Variants in FER observed in about 807,000 individuals in gnomAD.
FER encodes FER tyrosine kinase.
A neutral mutation model predicts 111.0 loss-of-function variants in FER; 63 were observed. The ratio of observed to expected loss-of-function variants is 0.57; its 90% CI spans 0.46 to 0.70. FER has a LOEUF of 0.70. Among genes scored for constraint, FER ranks in the 30% least tolerant of loss-of-function variants. FER has a pLI of 0.00. For missense variants in FER, 914 were observed against 954.0 expected, an observed-to-expected ratio of 0.96 and a Z score of 0.55; for synonymous variants, 327 against 313.9, an observed-to-expected ratio of 1.04 and a Z score of -0.44.
chr5:108,966,576 C>T lies in FER; in HGVS notation c.1656+7229C>T, dbSNP rs137983768. Reference sequence around the variant, plus strand: ...CTAACTTTTGTGTTTTTAGTAGAGACGGGGTTTCATCATGTTGCTCAGGCT... The same window carrying T: ...CTAACTTTTGTGTTTTTAGTAGAGATGGGGTTTCATCATGTTGCTCAGGCT... On this transcript the variant is annotated intron_variant, in intron 13 of 19. Transcript: ENST00000281092. Among the ~76,000 whole-genome samples the T allele has an allele frequency of 5.9e-3, 898 of 151,812 alleles. 5 individuals are homozygous for T. The highest frequency in any genetic ancestry group is 0.021 in the African/African-American group (857 of 41,386).
intron 16 of FER, among the ~76,000 whole-genome samples, chr5:109,084,325 C>T (rs1316657794): frequency 1.3e-5 from 2 of 151,840 alleles, no homozygotes; most frequent in East Asian, 3.9e-4. Context: ...TATTGTGTTG[C>T]TTACCTATTT....
chr5:109,000,679 C>T (rs1045554329), intron 13 of FER, among the ~76,000 whole-genome samples: 1 of 151,954 alleles, frequency 6.6e-6, no homozygotes, highest in African/African-American at 2.4e-5. Context: ...GAAATAGAGA[C>T]ACAAAAAACC....
intron 1 of FER, among the ~76,000 whole-genome samples, chr5:108,765,529 T>C (rs977426757): frequency 1.3e-5 from 2 of 152,092 alleles, no homozygotes; most frequent in Non-Finnish European, 2.9e-5. Flanking sequence ...AAGTGATCCT[T>C]CTGCCTCAGC....
chr5:108,776,411 G>C (rs934950690), intron 2 of FER, among the ~76,000 whole-genome samples: 1 of 151,948 alleles, frequency 6.6e-6, no homozygotes, highest in African/African-American at 2.4e-5. Context: ...TTACAAAAAA[G>C]CAAATATTTA....
chr5:109,015,981 A>G (rs1453036732), intron 13 of FER, among the ~76,000 whole-genome samples: 1 of 151,870 alleles, frequency 6.6e-6, no homozygotes, highest in African/African-American at 2.4e-5. Context: ...GATTATTTGC[A>G]TTTCCTTTGC....
At chr5:108,867,982 C>A in intron 6 of FER, 32 bp downstream of exon 6, 2 of 1,569,606 alleles carry the variant, frequency 1.3e-6, no homozygotes, top group South Asian at 1.2e-5. Flanking sequence ...TCATAAAATC[C>A]CTTCACAAAA....
Position 109,082,635 on chromosome 5 carries a change from ATT to A in FER, c.1925-17752_1925-17751del, listed in dbSNP as rs76751860. Among the ~76,000 whole-genome samples the A allele has an allele frequency of 5.7e-3, 855 of 150,256 alleles. 11 individuals are homozygous for A. The highest frequency in any genetic ancestry group is 0.02 in the African/African-American group (815 of 40,986). On this transcript the variant is annotated intron_variant, in intron 16 of 19. Coordinates refer to ENST00000281092, the MANE Select transcript of FER (RefSeq NM_005246.4). ...AGAGTTTTACCTCTTAGAGAAAGGG[ATT>A]TTTTTTTTGTCCTGATTTTCATTAA... is the stretch of plus-strand genomic sequence containing the variant.
chr5:108,898,388 A>G (rs1004730334), intron 10 of FER, among the ~76,000 whole-genome samples: 2 of 152,044 alleles, frequency 1.3e-5, no homozygotes, highest in African/African-American at 4.8e-5. Context: ...AAGAATGCCT[A>G]GTATAAAGTC....
chr5:109,141,702 A>G (rs982486899), intron 17 of FER, among the ~76,000 whole-genome samples: 2 of 152,220 alleles, frequency 1.3e-5, no homozygotes, highest in Admixed American at 1.3e-4. Flanking sequence ...GCTACTTCCT[A>G]GAAGTAACAG....
intron 16 of FER, among the ~76,000 whole-genome samples, chr5:109,088,689 G>A (rs1219232789): frequency 1.3e-5 from 2 of 152,090 alleles, no homozygotes; most frequent in Non-Finnish European, 2.9e-5. Context: ...AAATCATTAA[G>A]CTAAATAAAT....
chr5:109,002,259 T>C (rs1222476188), intron 13 of FER, among the ~76,000 whole-genome samples: 1 of 152,060 alleles, frequency 6.6e-6, no homozygotes, highest in African/African-American at 2.4e-5. Context: ...AGCATGGGAC[T>C]GGTACCAAAG....
At chr5:109,163,474 A>C (rs1434854632) in intron 17 of FER, among the ~76,000 whole-genome samples, 1 of 152,132 alleles carries the variant, frequency 6.6e-6, no homozygotes, top group Non-Finnish European at 1.5e-5. Flanking sequence ...CTGTTTTCCA[A>C]AGTGGTTGTT....
At chr5:108,763,799 C>T (rs1752015169) in intron 1 of FER, among the ~76,000 whole-genome samples, 1 of 152,170 alleles carries the variant, frequency 6.6e-6, no homozygotes. Context: ...TGAATTCCAG[C>T]AGCTATATCT....
At chr5:109,112,798 A>G (rs1443978078) in intron 17 of FER, among the ~76,000 whole-genome samples, 1 of 152,136 alleles carries the variant, frequency 6.6e-6, no homozygotes, top group Non-Finnish European at 1.5e-5. Context: ...TTAAAAATGA[A>G]TGTCTAATGC....
intron 13 of FER, among the ~76,000 whole-genome samples, chr5:109,015,195 C>T (rs752895471): frequency 1.3e-5 from 2 of 152,058 alleles, no homozygotes; most frequent in African/African-American, 2.4e-5. Flanking sequence ...ATTAAAGCAA[C>T]ATGTGCTAGC....
intron 10 of FER, among the ~76,000 whole-genome samples, chr5:108,911,160 A>G (rs1318302282): frequency 2.0e-5 from 3 of 152,172 alleles, no homozygotes; most frequent in African/African-American, 7.2e-5. Flanking sequence ...CAACATAGCC[A>G]TTCTGACTGA....
At chr5:109,151,601 G>T (rs868205462) in intron 17 of FER, among the ~76,000 whole-genome samples, 21 of 152,188 alleles carry the variant, frequency 1.4e-4, no homozygotes, top group African/African-American at 4.8e-4. Context: ...AGAAGAGATG[G>T]TTCCAGTAAA....
intron 2 of FER, among the ~76,000 whole-genome samples, chr5:108,773,267 C>T (rs1262238283): frequency 2.0e-5 from 3 of 151,780 alleles, no homozygotes; most frequent in Non-Finnish European, 4.4e-5. Flanking sequence ...CATGGTGGTT[C>T]GCTGCACAGA....
In FER at chr5:108,767,769, A is replaced by G. The variant is rs567167340; in HGVS notation, c.-205-324A>G. ...AGTGTTGGGATTACAGGTGTGAGCC[A>G]CTGTGCCTGGTGTGTTTCAAACTTG... On this transcript the variant is annotated intron_variant, in intron 1 of 19. Coordinates refer to ENST00000281092, the MANE Select transcript of FER (RefSeq NM_005246.4). 5.3e-4 allele frequency among the ~76,000 whole-genome samples: 80 copies of G among 152,336 alleles called. No individual in the cohort carries two copies. The Middle Eastern group carries it at 0.02, about 39-fold the overall frequency.
Sources: gnomAD v4.1 joint callset for allele counts (sites outside exome capture counted in the v4.1 genomes callset) on GRCh38, gnomAD v4.1.1 for gene constraint, MANE v1.5 for transcripts, NCBI Gene and HGNC (gene_info 2026-07-23, HGNC 2026-07-21) for gene names.